The following ERBB4 variants were observed in gnomAD, a reference collection of about 807,000 sequenced individuals.
ERBB4 encodes the protein erb-b2 receptor tyrosine kinase 4.
In ERBB4, 42 loss-of-function variants were observed where a neutral mutation model predicts 158.0. The ratio of observed to expected loss-of-function variants is 0.27; its 90% confidence interval spans 0.21 to 0.34. The LOEUF (loss-of-function observed/expected upper bound fraction) is 0.34, where lower values mean the gene tolerates loss of function less well. Among genes scored for constraint, ERBB4 ranks in the 10% least tolerant of loss-of-function variants. ERBB4 has a pLI of 1.00. For synonymous variants in ERBB4, 583 were observed against 558.7 expected (o/e 1.04, Z -0.61); for missense variants, 1,333 against 1,624.1 (o/e 0.82, Z 3.08).
chr2:211,759,525 T>A (rs1462146694), intron 4 of ERBB4, among the ~76,000 whole-genome samples: 2 of 152,052 alleles, frequency 1.3e-5, no homozygotes, highest in African/African-American at 4.8e-5. Context: ...CTGCTGTTCC[T>A]AGGACATACA....
chr2:211,702,863 G>A (rs1308706261), intron 11 of ERBB4, among the ~76,000 whole-genome samples: 1 of 152,054 alleles, frequency 6.6e-6, no homozygotes, highest in Non-Finnish European at 1.5e-5. Flanking sequence ...TACTTTGAGT[G>A]ACAGAAAATT....
intron 1 of ERBB4, among the ~76,000 whole-genome samples, chr2:212,352,312 C>G (rs1013387814): frequency 1.3e-4 from 14 of 105,194 alleles, no homozygotes; most frequent in African/African-American, 5.7e-4. Flanking sequence ...ACCCCTGAAC[C>G]TAAAATAAAA....
chr2:211,684,735 A>G (rs1482245326), intron 12 of ERBB4, among the ~76,000 whole-genome samples: 2 of 152,248 alleles, frequency 1.3e-5, no homozygotes, highest in South Asian at 2.1e-4. Context: ...GGTCTGAAGG[A>G]CCCCACTGAT....
At chr2:212,112,584 G>A (rs2079445828) in intron 2 of ERBB4, among the ~76,000 whole-genome samples, 1 of 152,078 alleles carries the variant, frequency 6.6e-6, no homozygotes, top group African/African-American at 2.4e-5. Flanking sequence ...TAAAGTGAAA[G>A]AACTGGTTTA....
intron 20 of ERBB4, among the ~76,000 whole-genome samples, chr2:211,509,710 A>G (rs1202477338): frequency 6.6e-6 from 1 of 152,142 alleles, no homozygotes; most frequent in Non-Finnish European, 1.5e-5. Flanking sequence ...CAAAGGAGTA[A>G]TATCCAGAAA....
intron 3 of ERBB4, among the ~76,000 whole-genome samples, chr2:211,931,393 T>A (rs765310588): frequency 6.6e-6 from 1 of 152,044 alleles, no homozygotes; most frequent in African/African-American, 2.4e-5. Flanking sequence ...TCCCTAGATA[T>A]GCACATAGAG....
At chr2:212,146,538 C>T (rs527911204) in intron 1 of ERBB4, among the ~76,000 whole-genome samples, 3 of 152,242 alleles carry the variant, frequency 2.0e-5, no homozygotes, top group South Asian at 2.1e-4. Flanking sequence ...GACCAAGTGT[C>T]GCCTGGGGAT....
intron 1 of ERBB4, among the ~76,000 whole-genome samples, chr2:212,269,645 C>A (rs1034985671): frequency 2.6e-5 from 4 of 151,772 alleles, no homozygotes; most frequent in Non-Finnish European, 5.9e-5. Context: ...TGAAGAATTA[C>A]AAGTTTTTGT....
intron 19 of ERBB4, among the ~76,000 whole-genome samples, chr2:211,618,683 G>C (rs963811343): frequency 6.6e-6 from 1 of 152,042 alleles, no homozygotes; most frequent in Non-Finnish European, 1.5e-5. Flanking sequence ...ATTTGTAACA[G>C]TGTTTAGCAC....
At chr2:212,455,396 C>A (rs1402134046) in intron 1 of ERBB4, among the ~76,000 whole-genome samples, 1 of 152,080 alleles carries the variant, frequency 6.6e-6, no homozygotes, top group Non-Finnish European at 1.5e-5. Flanking sequence ...AGCCTCTAGC[C>A]CTGAGTTAGC....
At chr2:211,965,980 G>T (rs1233491511) in intron 2 of ERBB4, among the ~76,000 whole-genome samples, 2 of 152,150 alleles carry the variant, frequency 1.3e-5, no homozygotes, top group African/African-American at 4.8e-5. Context: ...GGGAGGCCAG[G>T]GCAGGAGGCT....
chr2:212,105,674 A>T (rs1348143122), intron 2 of ERBB4, among the ~76,000 whole-genome samples: 1 of 152,338 alleles, frequency 6.6e-6, no homozygotes. Flanking sequence ...ACAATCTAAT[A>T]TCAACTCAAG....
intron 20 of ERBB4, among the ~76,000 whole-genome samples, chr2:211,433,275 G>C (rs1013339829): frequency 6.6e-6 from 1 of 152,176 alleles, no homozygotes; most frequent in African/African-American, 2.4e-5. Context: ...AGGTGATGTG[G>C]AAGTTGTTTT....
chr2:211,674,951 G>A (rs1348839977), intron 13 of ERBB4, among the ~76,000 whole-genome samples: 1 of 152,094 alleles, frequency 6.6e-6, no homozygotes, highest in Non-Finnish European at 1.5e-5. Context: ...TAAAATGTAT[G>A]TCATAAAACA....
intron 1 of ERBB4, among the ~76,000 whole-genome samples, chr2:212,320,721 T>C (rs2087530430): frequency 6.7e-6 from 1 of 150,052 alleles, no homozygotes; most frequent in African/African-American, 2.4e-5. Flanking sequence ...TCTTTTTCTC[T>C]CTGGCCCTAG....
rs574938374 is a variant in ERBB4, at chr2:211,799,776, CTATTAT to C, written c.422-11623_422-11618del. On this transcript the variant is annotated intron_variant, in intron 3 of 27. Transcript: ENST00000342788. ...ATGCAACACATGTTCAGTTGATGTA[CTATTAT>C]TATTATTGAGGGAAAGATAAGAAGA... Among the ~76,000 whole-genome samples, 185 of 152,070 alleles carry C rather than the reference CTATTAT, an allele frequency of 1.2e-3. 2 individuals are homozygous for C. The highest frequency in any genetic ancestry group is 2.1e-3 in the Non-Finnish European group (143 of 67,980).
At chr2:211,931,544 T>C (rs977721605) in intron 3 of ERBB4, among the ~76,000 whole-genome samples, 15 of 151,770 alleles carry the variant, frequency 9.9e-5, no homozygotes, top group African/African-American at 3.4e-4. Flanking sequence ...ACTAAGAAAA[T>C]GTGACTCACA....
intron 1 of ERBB4, among the ~76,000 whole-genome samples, chr2:212,491,160 C>T (rs1051176889): frequency 1.3e-5 from 2 of 151,508 alleles, no homozygotes; most frequent in Non-Finnish European, 1.5e-5. Context: ...AGGACCCAAA[C>T]GTCTGTATTG....
chr2:212,443,669 C>T (rs2092297378), intron 1 of ERBB4, among the ~76,000 whole-genome samples: 1 of 152,218 alleles, frequency 6.6e-6, no homozygotes, highest in Admixed American at 6.5e-5. Context: ...GTGCAAACTG[C>T]TCTGCCACTT....
Sources: gnomAD v4.1 joint callset for allele counts (sites outside exome capture counted in the v4.1 genomes callset) on GRCh38, gnomAD v4.1.1 for gene constraint, MANE v1.5 for transcripts, NCBI Gene and HGNC (gene_info 2026-07-23, HGNC 2026-07-21) for gene names.